The following CLSTN1 variants were observed in gnomAD, a reference collection of about 807,000 sequenced individuals.
CLSTN1 encodes calsyntenin-1.
CLSTN1 carries 28 observed loss-of-function variants against 108.3 expected under a neutral mutation model. The observed-to-expected ratio is 0.26, with a 90% CI of 0.19 to 0.35. The LOEUF (loss-of-function observed/expected upper bound fraction) is 0.35, where lower values mean the gene tolerates loss of function less well. Among genes scored for constraint, CLSTN1 ranks in the 10% least tolerant of loss-of-function variants. CLSTN1 has a pLI of 1.00. For missense variants in CLSTN1, 1,157 were observed against 1,302.6 expected (o/e 0.89, Z 1.72); for synonymous variants, 524 against 534.9 (o/e 0.98, Z 0.28).
intron 1 of CLSTN1, among the ~76,000 whole-genome samples, chr1:9,797,693 T>G (rs1452355199): frequency 1.3e-5 from 2 of 151,680 alleles, no homozygotes; most frequent in Non-Finnish European, 2.9e-5. Flanking sequence ...CAAAGTGACA[T>G]GAAAAACAGC....
At chr1:9,813,521 G>T (rs937099807) in intron 1 of CLSTN1, among the ~76,000 whole-genome samples, 2 of 150,896 alleles carry the variant, frequency 1.3e-5, no homozygotes, top group African/African-American at 4.9e-5. Context: ...AAGAAAGAAA[G>T]AAAAAGAAAA....
At chr1:9,799,813 T>A (rs1176131153) in intron 1 of CLSTN1, among the ~76,000 whole-genome samples, 1 of 149,928 alleles carries the variant, frequency 6.7e-6, no homozygotes, top group South Asian at 2.1e-4. Context: ...TGCTGGTGGG[T>A]GCCTGTAGTC....
chr1:9,812,216 T>A (rs1256758501), intron 1 of CLSTN1, among the ~76,000 whole-genome samples: 1 of 152,192 alleles, frequency 6.6e-6, no homozygotes, highest in Non-Finnish European at 1.5e-5. Context: ...CCTAGTCTTC[T>A]GTGAGCCTCT....
chr1:9,742,795 C>A (rs947791972), intron 9 of CLSTN1, among the ~76,000 whole-genome samples: 7 of 152,124 alleles, frequency 4.6e-5, no homozygotes, highest in Non-Finnish European at 1.0e-4. Context: ...GTAATCCCAG[C>A]TACTCAGAAG....
intron 1 of CLSTN1, among the ~76,000 whole-genome samples, chr1:9,791,141 C>CA (rs139466878): frequency 0.032 from 2,362 of 73,620 alleles, 31 homozygotes; most frequent in Non-Finnish European, 0.042. Context: ...GACTCTATCT[C>CA]AAAAAAAAAA....
chr1:9,781,052 T>A, intron 1 of CLSTN1: 2 of 578,182 alleles, frequency 3.5e-6, no homozygotes, highest in South Asian at 4.4e-5. Context: ...ATTAAGAGTA[T>A]CCAACCTGTA....
intron 1 of CLSTN1, among the ~76,000 whole-genome samples, chr1:9,819,831 G>A (rs187365336): frequency 6.6e-6 from 1 of 151,972 alleles, no homozygotes; most frequent in East Asian, 1.9e-4. Flanking sequence ...GTCTATATTC[G>A]AACGACTTTT....
At chr1:9,757,342 C>T (rs1360532403) in intron 2 of CLSTN1, among the ~76,000 whole-genome samples, 1 of 150,434 alleles carries the variant, frequency 6.6e-6, no homozygotes, top group Non-Finnish European at 1.5e-5. Flanking sequence ...CCCTGGTTCA[C>T]GCCATTCTCC....
chr1:9,750,946 T>C (rs1310688542), intron 5 of CLSTN1, among the ~76,000 whole-genome samples: 1 of 151,744 alleles, frequency 6.6e-6, no homozygotes, highest in Non-Finnish European at 1.5e-5. Context: ...GCACCTGTAA[T>C]CCCAGCTACT....
At chr1:9,762,958 A>G (rs1296032299) in intron 2 of CLSTN1, among the ~76,000 whole-genome samples, 11 of 146,174 alleles carry the variant, frequency 7.5e-5, no homozygotes, top group Non-Finnish European at 1.5e-5. Flanking sequence ...TTTTCGGGGT[A>G]CCTTTTTTTT....
At chr1:9,771,241 A>G (rs1334548859) in intron 2 of CLSTN1, among the ~76,000 whole-genome samples, 4 of 152,190 alleles carry the variant, frequency 2.6e-5, no homozygotes, top group African/African-American at 9.7e-5. Flanking sequence ...GCACTTTGCA[A>G]GGCCAAGGCA....
intron 2 of CLSTN1, among the ~76,000 whole-genome samples, chr1:9,762,394 G>A (rs1244404975): frequency 1.3e-5 from 2 of 151,530 alleles, no homozygotes; most frequent in Non-Finnish European, 2.9e-5. Flanking sequence ...CCGGGAGGCA[G>A]AAGTTGCAGT....
chr1:9,764,694 C>G (rs891122295), intron 2 of CLSTN1, among the ~76,000 whole-genome samples: 19 of 130,522 alleles, frequency 1.5e-4, no homozygotes, highest in African/African-American at 4.6e-4. Context: ...AGGGGACAAA[C>G]ATCCAAACTG....
intron 1 of CLSTN1, among the ~76,000 whole-genome samples, chr1:9,779,925 T>A (rs1653163619): frequency 1.3e-5 from 2 of 152,132 alleles, no homozygotes; most frequent in African/African-American, 4.8e-5. Context: ...CAATCTGGGC[T>A]CACTGCAACC....
At chr1:9,788,148 TGGGA>T (rs1653581848) in intron 1 of CLSTN1, among the ~76,000 whole-genome samples, 1 of 151,372 alleles carries the variant, frequency 6.6e-6, no homozygotes, top group African/African-American at 2.4e-5. Flanking sequence ...CCCGCCTACT[TGGGA>T]GGGTGAGGTG....
intron 7 of CLSTN1, among the ~76,000 whole-genome samples, chr1:9,749,113 A>T (rs1205188302): frequency 6.6e-6 from 1 of 151,940 alleles, no homozygotes; most frequent in African/African-American, 2.4e-5. Context: ...TGTGTTGCCC[A>T]GGCTGGTCTC....
intron 7 of CLSTN1, among the ~76,000 whole-genome samples, chr1:9,748,051 A>G (rs993983961): frequency 2.0e-5 from 3 of 151,926 alleles, no homozygotes; most frequent in African/African-American, 7.3e-5. Context: ...CTAAAAAAAA[A>G]AAAAAGAAAA....
At chr1:9,737,037 C>A (rs1352589528) in intron 11 of CLSTN1, among the ~76,000 whole-genome samples, 2 of 152,042 alleles carry the variant, frequency 1.3e-5, no homozygotes, top group African/African-American at 2.4e-5. Context: ...CGCGCCACTG[C>A]ACTCCAGCCC....
chr1:9,757,819 C>A (rs1651890293), intron 2 of CLSTN1, among the ~76,000 whole-genome samples: 1 of 152,182 alleles, frequency 6.6e-6, no homozygotes, highest in Non-Finnish European at 1.5e-5. Flanking sequence ...AATTTCGCTG[C>A]CCCTCAACAC....
Sources: gnomAD v4.1 joint callset for allele counts (sites outside exome capture counted in the v4.1 genomes callset) on GRCh38, gnomAD v4.1.1 for gene constraint, MANE v1.5 for transcripts, NCBI Gene and HGNC (gene_info 2026-07-23, HGNC 2026-07-21) for gene names.